ROBO2: variants seen among roughly 807,000 people sequenced by gnomAD.
ROBO2 encodes the protein roundabout homolog 2.
A neutral mutation model predicts 160.8 loss-of-function variants in ROBO2; 53 were observed. The observed-to-expected ratio is 0.33, with a 90% CI of 0.26 to 0.41. The LOEUF (loss-of-function observed/expected upper bound fraction) is 0.41, where lower values mean the gene tolerates loss of function less well. ROBO2 is among the 10% of genes least tolerant of loss of function. The pLI, the probability that ROBO2 is intolerant of heterozygous loss-of-function variation, is 1.00. For missense variants in ROBO2, 1,577 were observed against 1,722.4 expected (o/e 0.92, Z 1.49); for synonymous variants, 664 against 611.7 (o/e 1.09, Z -1.26).
chr3:76,164,528 G>T (rs1114301), intron 2 of ROBO2, among the ~76,000 whole-genome samples: 5,884 of 152,222 alleles, frequency 0.039, 123 homozygotes, highest in Middle Eastern at 0.078. Flanking sequence ...TGGATGTTGT[G>T]TTAGCAGGTG....
chr3:76,567,761 G>GTC lies in ROBO2; in HGVS notation c.110-530251_110-530250dup, dbSNP rs1204078646. Among the ~76,000 whole-genome samples, 7 of 63,168 alleles carry GTC rather than the reference G, an allele frequency of 1.1e-4. No homozygotes were observed. The East Asian group carries it at 2.3e-3, about 21-fold the overall frequency. 41.4% of individuals were successfully genotyped at this position (63,168 alleles called of 152,430 possible). ...TACTGTTTTATATATATATATATCT[G>GTC]TCTGTGTGTGTGTGTGTGTGTGTGT... On this transcript the variant is annotated intron_variant, in intron 2 of 26. Transcript: ENST00000487694.
chr3:77,305,795 A>C (rs1331823135), intron 2 of ROBO2, among the ~76,000 whole-genome samples: 1 of 152,210 alleles, frequency 6.6e-6, no homozygotes, highest in African/African-American at 2.4e-5. Flanking sequence ...AATAGCACTA[A>C]AAATTTAAAT....
At chr3:77,621,417 C>T (rs911888311) in intron 22 of ROBO2, among the ~76,000 whole-genome samples, 6 of 150,038 alleles carry the variant, frequency 4.0e-5, no homozygotes, top group African/African-American at 1.5e-4. Context: ...CAGAACAAGA[C>T]CCCTTCTCTC....
chr3:76,280,302 G>T (rs1340144837), intron 2 of ROBO2, among the ~76,000 whole-genome samples: 1 of 151,984 alleles, frequency 6.6e-6, no homozygotes, highest in African/African-American at 2.4e-5. Context: ...CAGTGTGACT[G>T]TATCTGGAGA....
intron 2 of ROBO2, among the ~76,000 whole-genome samples, chr3:76,194,372 A>G (rs1575820395): frequency 8.2e-6 from 1 of 122,218 alleles, no homozygotes; most frequent in African/African-American, 3.4e-5. Flanking sequence ...ATATATATAT[A>G]TATATATATA....
At chr3:76,689,695 T>C (rs1461685772) in intron 2 of ROBO2, among the ~76,000 whole-genome samples, 2 of 152,190 alleles carry the variant, frequency 1.3e-5, no homozygotes, top group Non-Finnish European at 2.9e-5. Context: ...GGAGAGATTA[T>C]GTAGCCATCA....
chr3:77,047,689 A>G (rs1241060095), intron 1 of ROBO2, among the ~76,000 whole-genome samples: 1 of 149,094 alleles, frequency 6.7e-6, no homozygotes, highest in Non-Finnish European at 1.5e-5. Context: ...CCGTCTCAAA[A>G]AAATATATAT....
rs551275310 is a variant in ROBO2, at chr3:76,724,639, A to T, written c.110-373375A>T. ...GACCCCAATATCTATTTGTTTACCA[A>T]ATACATCCTCTTGAATTTCCAGCAG... On this transcript the variant is annotated intron_variant, in intron 2 of 26. Coordinates refer to the ROBO2 transcript ENST00000487694. Among the ~76,000 whole-genome samples the T allele has an allele frequency of 5.9e-5, 9 of 152,260 alleles. No individual in the cohort carries two copies. The South Asian group carries it at 1.5e-3, about 25-fold the overall frequency.
At chr3:77,159,920 A>G (rs1485994089) in intron 2 of ROBO2, among the ~76,000 whole-genome samples, 2 of 152,156 alleles carry the variant, frequency 1.3e-5, no homozygotes, top group African/African-American at 4.8e-5. Flanking sequence ...TTAAATATGT[A>G]AACATTATAT....
At chr3:76,141,068 T>TATATATATATATATAA (rs1290955194) in intron 2 of ROBO2, among the ~76,000 whole-genome samples, 25 of 116,938 alleles carry the variant, frequency 2.1e-4, no homozygotes, top group African/African-American at 8.0e-4. Flanking sequence ...TACATATATA[T>TATATATATATATATAA]ATATATATAA....
At chr3:77,497,460 T>C (rs1046924530) in intron 5 of ROBO2, among the ~76,000 whole-genome samples, 8 of 152,152 alleles carry the variant, frequency 5.3e-5, no homozygotes, top group Non-Finnish European at 1.0e-4. Flanking sequence ...GTAATGCTCA[T>C]TGCAAGTTTG....
intron 2 of ROBO2, among the ~76,000 whole-genome samples, chr3:76,934,273 G>A (rs12633065): frequency 3.3e-5 from 5 of 151,362 alleles, no homozygotes; most frequent in East Asian, 3.9e-4. Flanking sequence ...CCTTTAAGCC[G>A]TCAAATCAGA....
At chr3:76,214,084 C>T (rs990600899) in intron 2 of ROBO2, among the ~76,000 whole-genome samples, 5 of 152,070 alleles carry the variant, frequency 3.3e-5, no homozygotes, top group Non-Finnish European at 5.9e-5. Flanking sequence ...GTCAAGTTGA[C>T]AGATAACATT....
chr3:76,623,694 A>G (rs534954551), intron 2 of ROBO2, among the ~76,000 whole-genome samples: 1 of 152,318 alleles, frequency 6.6e-6, no homozygotes, highest in African/African-American at 2.4e-5. Flanking sequence ...ATCTTTAACA[A>G]CATAAGGTTT....
chr3:76,678,437 G>A (rs2092469707), intron 2 of ROBO2, among the ~76,000 whole-genome samples: 1 of 152,022 alleles, frequency 6.6e-6, no homozygotes, highest in African/African-American at 2.4e-5. Flanking sequence ...ATGGTGTAGG[G>A]GCTTGACAGA....
At chr3:77,251,930 G>A (rs559348138) in intron 2 of ROBO2, among the ~76,000 whole-genome samples, 25 of 152,248 alleles carry the variant, frequency 1.6e-4, no homozygotes, top group African/African-American at 5.8e-4. Flanking sequence ...TCAGTAGCAC[G>A]AAAATGGACT....
chr3:76,832,157 A>T, intron 2 of ROBO2, among the ~76,000 whole-genome samples: 1 of 152,216 alleles, frequency 6.6e-6, no homozygotes, highest in East Asian at 1.9e-4. Context: ...CTACATAAGA[A>T]TGTGAAGAAA....
rs2071696500 is a variant in ROBO2, at chr3:77,100,104, C to T, written c.388+1764C>T. Among the ~76,000 whole-genome samples, 4 of 152,056 alleles carry T rather than the reference C, an allele frequency of 2.6e-5. No homozygotes were observed. In the South Asian group the frequency reaches 6.2e-4, roughly 24 times the overall value. On this transcript the variant is annotated intron_variant, in intron 2 of 25. Transcript: ENST00000461745. Reference sequence around the variant, plus strand: ...TCATCTAAAAGAATTGCTTTCTTTTCTAATTGCGTCATTAATAATGAATCA... The same window carrying T: ...TCATCTAAAAGAATTGCTTTCTTTTTTAATTGCGTCATTAATAATGAATCA...
At chr3:76,602,612 A>C (rs1231918816) in intron 2 of ROBO2, among the ~76,000 whole-genome samples, 1 of 152,310 alleles carries the variant, frequency 6.6e-6, no homozygotes, top group East Asian at 1.9e-4. Context: ...TCACTTTCAT[A>C]AGAACAGCAC....
Sources: gnomAD v4.1 joint callset for allele counts (sites outside exome capture counted in the v4.1 genomes callset) on GRCh38, gnomAD v4.1.1 for gene constraint, MANE v1.5 for transcripts, NCBI Gene and HGNC (gene_info 2026-07-23, HGNC 2026-07-21) for gene names.